The following PITPNC1 variants were observed in gnomAD, a reference collection of about 807,000 sequenced individuals.
PITPNC1 encodes phosphatidylinositol transfer protein cytoplasmic 1.
In PITPNC1, 18 loss-of-function variants were observed where a neutral mutation model predicts 44.7. The ratio of observed to expected loss-of-function variants is 0.40; its 90% confidence interval spans 0.28 to 0.60. The LOEUF is 0.60. Among genes scored for constraint, PITPNC1 ranks in the 20% least tolerant of loss-of-function variants. The pLI is 0.39. For synonymous variants in PITPNC1, 141 were observed against 149.6 expected (o/e 0.94, Z 0.42); for missense variants, 290 against 418.4 (o/e 0.69, Z 2.68).
intron 1 of PITPNC1, among the ~76,000 whole-genome samples, chr17:67,488,304 G>A (rs375414765): frequency 5.3e-5 from 8 of 152,204 alleles, no homozygotes; most frequent in East Asian, 1.9e-4. Flanking sequence ...AATTCACCTC[G>A]TGTTGCTTGG....
At chr17:67,605,758 G>A (rs555575630) in intron 5 of PITPNC1, among the ~76,000 whole-genome samples, 9 of 152,276 alleles carry the variant, frequency 5.9e-5, no homozygotes, top group South Asian at 4.1e-4. Context: ...CACCTGCGCC[G>A]TTATCAGGAC....
In PITPNC1 at chr17:67,548,094, AG is replaced by A; in HGVS notation, c.198-4161del. Among the ~76,000 whole-genome samples the A allele has an allele frequency of 2.0e-5, 3 of 152,238 alleles. No individual in the cohort carries two copies. In the East Asian group the frequency reaches 5.8e-4, roughly 29 times the overall value. ...CAACCGAAAATGTCCAGACATTGCC[AG>A]GTGTCTCCTGCAGGAGGCAAAATCT... On this transcript the variant is annotated intron_variant, in intron 2 of 8. Transcript: ENST00000581322.
Position 67,614,395 on chromosome 17 carries a change from G to A in PITPNC1, c.367-17748G>A, listed in dbSNP as rs2041730473. Among the ~76,000 whole-genome samples the A allele has an allele frequency of 2.0e-5, 3 of 152,064 alleles. 1 individual carries two copies. Among genetic ancestry groups the A allele is most frequent in the Admixed American group, 1.3e-4 (2 of 15,250 alleles). On this transcript the variant is annotated intron_variant, in intron 5 of 8. Coordinates refer to ENST00000581322, the MANE Select transcript of PITPNC1 (RefSeq NM_012417.4). ...AAATGTTATTAAAAAAATTGGCCAGGCACGGTGGTTCACGCCTATAATCCC... is the reference window on the plus strand; with the variant it reads ...AAATGTTATTAAAAAAATTGGCCAGACACGGTGGTTCACGCCTATAATCCC...
At chr17:67,438,384 T>A (rs2038967035) in intron 1 of PITPNC1, among the ~76,000 whole-genome samples, 1 of 150,246 alleles carries the variant, frequency 6.7e-6, no homozygotes, top group Non-Finnish European at 1.5e-5. Context: ...TGGTGTGATC[T>A]CCGCTACTGC....
At chr17:67,529,542 CCA>C (rs1400947236) in intron 1 of PITPNC1, among the ~76,000 whole-genome samples, 1 of 152,182 alleles carries the variant, frequency 6.6e-6, no homozygotes, top group African/African-American at 2.4e-5. Context: ...TTGTGCAAAA[CCA>C]CCTCTATCCA....
At chr17:67,575,504 C>T (rs2041128178) in intron 4 of PITPNC1, among the ~76,000 whole-genome samples, 2 of 152,288 alleles carry the variant, frequency 1.3e-5, no homozygotes, top group South Asian at 4.1e-4. Context: ...CAGATGCGTG[C>T]TGAACGCGTC....
chr17:67,596,144 T>C (rs1022823048), intron 5 of PITPNC1, among the ~76,000 whole-genome samples: 1 of 152,178 alleles, frequency 6.6e-6, no homozygotes, highest in African/African-American at 2.4e-5. Flanking sequence ...GAGTAAATTA[T>C]TGAAATGAAA....
intron 1 of PITPNC1, among the ~76,000 whole-genome samples, chr17:67,528,796 AG>A (rs1203409471): frequency 4.5e-4 from 68 of 152,244 alleles, no homozygotes; most frequent in African/African-American, 1.6e-3. Context: ...CATTTTTAGG[AG>A]TGTCTCTGGA....
At chr17:67,546,309 A>G (rs929538811) in intron 2 of PITPNC1, among the ~76,000 whole-genome samples, 8 of 151,326 alleles carry the variant, frequency 5.3e-5, no homozygotes, top group African/African-American at 1.9e-4. Flanking sequence ...ATATATATAT[A>G]TATATATTTA....
chr17:67,481,720 A>T (rs1360872041), intron 1 of PITPNC1, among the ~76,000 whole-genome samples: 1 of 151,748 alleles, frequency 6.6e-6, no homozygotes, highest in Non-Finnish European at 1.5e-5. Context: ...TTCAGAGGGC[A>T]TTTCCTTTTG....
chr17:67,434,855 TC>T (rs1414133113), intron 1 of PITPNC1, among the ~76,000 whole-genome samples: 11 of 150,908 alleles, frequency 7.3e-5, no homozygotes, highest in Non-Finnish European at 1.5e-4. Context: ...ACGCCTGTAA[TC>T]CCAACACTTT....
chr17:67,688,975 G>GGCGTATCA (rs2042872259), intron 8 of PITPNC1, among the ~76,000 whole-genome samples: 1 of 152,204 alleles, frequency 6.6e-6, no homozygotes, highest in South Asian at 2.1e-4. Context: ...TGCCAAGGCG[G>GGCGTATCA]GCGTATCACC....
chr17:67,425,710 A>T (rs915365795), intron 1 of PITPNC1, among the ~76,000 whole-genome samples: 1 of 139,946 alleles, frequency 7.1e-6, no homozygotes, highest in Non-Finnish European at 1.6e-5. Context: ...TTTTTTTTTT[A>T]AAGAGATGGG....
At chr17:67,383,028 C>T (rs1475621997) in intron 1 of PITPNC1, among the ~76,000 whole-genome samples, 1 of 151,954 alleles carries the variant, frequency 6.6e-6, no homozygotes, top group East Asian at 1.9e-4. Context: ...TGGAGTCTTG[C>T]TCTTTCACCC....
chr17:67,497,626 C>T (rs1479631337), intron 1 of PITPNC1, among the ~76,000 whole-genome samples: 2 of 148,102 alleles, frequency 1.4e-5, no homozygotes, highest in East Asian at 4.1e-4. Flanking sequence ...CTCCTAGGCT[C>T]AAGCGAACCT....
At chr17:67,407,435 AT>A (rs1464737417) in intron 1 of PITPNC1, among the ~76,000 whole-genome samples, 3 of 152,110 alleles carry the variant, frequency 2.0e-5, no homozygotes, top group Non-Finnish European at 4.4e-5. Context: ...ATTTGCAAAT[AT>A]TTTCTTCCAT....
chr17:67,584,201 A>G (rs900110581), intron 5 of PITPNC1, among the ~76,000 whole-genome samples: 2 of 152,190 alleles, frequency 1.3e-5, no homozygotes, highest in African/African-American at 2.4e-5. Context: ...TACAAAAGGC[A>G]TATGTAAACC....
At chr17:67,630,959 A>G (rs867405027) in intron 5 of PITPNC1, among the ~76,000 whole-genome samples, 12 of 150,826 alleles carry the variant, frequency 8.0e-5, no homozygotes, top group Non-Finnish European at 1.2e-4. Context: ...TGATCTGCCC[A>G]CCTCGGCCTC....
At chr17:67,679,323 G>A (rs1464724998) in intron 8 of PITPNC1, among the ~76,000 whole-genome samples, 1 of 152,206 alleles carries the variant, frequency 6.6e-6, no homozygotes, top group African/African-American at 2.4e-5. Flanking sequence ...CTGATTTCTT[G>A]TGAGAATTAG....
Sources: gnomAD v4.1 joint callset for allele counts (sites outside exome capture counted in the v4.1 genomes callset) on GRCh38, gnomAD v4.1.1 for gene constraint, MANE v1.5 for transcripts, NCBI Gene and HGNC (gene_info 2026-07-23, HGNC 2026-07-21) for gene names.